Variants in OTUD7B observed in about 807,000 individuals in gnomAD.
The protein encoded by OTUD7B is OTU deubiquitinase 7B, also known as OTU domain-containing protein 7B.
OTUD7B carries 34 observed loss-of-function variants against 82.2 expected under a neutral mutation model. The observed-to-expected ratio is 0.41, with a 90% confidence interval of 0.31 to 0.55. The LOEUF is 0.55. Ranked by LOEUF, OTUD7B falls within the 20% of genes least tolerant of loss-of-function variation. OTUD7B has a pLI of 0.20. For missense variants in OTUD7B, 944 were observed against 1,062.1 expected (o/e 0.89, Z 1.55); for synonymous variants, 398 against 402.7 (o/e 0.99, Z 0.14).
At chr1:150,053,913 A>C in the OTUD7B span, 6 of 449,744 alleles carry the variant, frequency 1.3e-5, no homozygotes, top group African/African-American at 1.2e-4. Context: ...AAGAAACCTG[A>C]AGTCAAGAAG....
At chr1:150,061,447 C>T in the OTUD7B span, among the ~76,000 whole-genome samples, 1 of 152,084 alleles carries the variant, frequency 6.6e-6, no homozygotes, top group Non-Finnish European at 1.5e-5. Flanking sequence ...ATTTATTCTT[C>T]TGTTGACGGA....
At chr1:149,991,204 C>T (rs1168398399) in intron 1 of OTUD7B, among the ~76,000 whole-genome samples, 2 of 151,994 alleles carry the variant, frequency 1.3e-5, no homozygotes, top group Non-Finnish European at 1.5e-5. Flanking sequence ...GTCTCCTAGC[C>T]ACTACTACCC....
intron 1 of OTUD7B, among the ~76,000 whole-genome samples, chr1:150,002,988 C>T (rs924574534): frequency 3.3e-5 from 5 of 152,158 alleles, no homozygotes; most frequent in Non-Finnish European, 7.4e-5. Flanking sequence ...TGGTGGCTCT[C>T]GCCTGTAATC....
chr1:149,976,652 T>A, intron 2 of OTUD7B, among the ~76,000 whole-genome samples: 1 of 148,372 alleles, frequency 6.7e-6, no homozygotes, highest in Non-Finnish European at 1.5e-5. Context: ...TTCAAACTTA[T>A]GTGTATAAAG....
chr1:150,057,016 TGCAGACA>T, the OTUD7B span, among the ~76,000 whole-genome samples: 2 of 152,180 alleles, frequency 1.3e-5, no homozygotes, highest in Non-Finnish European at 2.9e-5. Flanking sequence ...GGAGAAAGCC[TGCAGACA>T]CCAGGTAAAC....
intron 7 of OTUD7B, among the ~76,000 whole-genome samples, chr1:149,953,212 G>A (rs139642183): frequency 0.018 from 2,726 of 152,214 alleles, 67 homozygotes; most frequent in African/African-American, 0.059. Context: ...TCCATCTTGA[G>A]TTAACTTTTT....
intron 1 of OTUD7B, among the ~76,000 whole-genome samples, chr1:150,006,158 A>T (rs1461650567): frequency 2.0e-5 from 3 of 152,230 alleles, no homozygotes; most frequent in African/African-American, 4.8e-5. Flanking sequence ...AATCTAGTTT[A>T]AAAAATAATG....
chr1:149,978,160 G>A (rs1201984479), intron 1 of OTUD7B, among the ~76,000 whole-genome samples: 1 of 151,856 alleles, frequency 6.6e-6, no homozygotes, highest in Non-Finnish European at 1.5e-5. Context: ...TTTCAGAGTT[G>A]ACTAGTGTTT....
the OTUD7B span, among the ~76,000 whole-genome samples, chr1:150,064,520 C>T: frequency 2.4e-5 from 3 of 127,064 alleles, no homozygotes; most frequent in African/African-American, 7.5e-5. Flanking sequence ...CAGATGTACC[C>T]GCTACACCTA....
At position 149,964,987 on chromosome 1, in the gene OTUD7B, G is replaced by A. The variant is rs145480854; in HGVS notation, c.605-638C>T. 1.4e-4 allele frequency among the ~76,000 whole-genome samples: 21 copies of A among 149,484 alleles called. No individual in the cohort carries two copies. The East Asian group carries it at 2.6e-3, about 19-fold the overall frequency. On this transcript the variant is annotated intron_variant, in intron 5 of 11. Coordinates refer to ENST00000581312, the MANE Select transcript of OTUD7B (RefSeq NM_020205.4). ...TCACTCACTGCAACCTCTGGCCCCC[G>A]GATTCAGCAATTCTCCTGCCTCAGC...
rs1339540880 is a variant in OTUD7B, at chr1:149,941,196, T to C, written c.*2661A>G. The C allele has an allele frequency of 2.0e-5, 3 of 152,220 alleles. No individual in the cohort carries two copies. The highest frequency in any genetic ancestry group is 4.8e-5 in the African/African-American group (2 of 41,456). The allele number at this position is 152,220 out of a possible 1,614,324, so 9.4% of individuals were successfully genotyped here. A position where few individuals can be genotyped will look rare whatever the true frequency, so the allele number is the denominator to read the frequency against. ...TGATACAAGGTTTTTTGTTCATTTGTCCTTAGTTTTTAAAAACAAAAGTGT... is the reference window on the plus strand; with the variant it reads ...TGATACAAGGTTTTTTGTTCATTTGCCCTTAGTTTTTAAAAACAAAAGTGT... On this transcript the variant is annotated 3_prime_UTR_variant, in exon 12 of 12. Coordinates refer to ENST00000581312, the MANE Select transcript of OTUD7B (RefSeq NM_020205.4).
At chr1:150,019,482 C>T in the OTUD7B span, among the ~76,000 whole-genome samples, 1 of 152,158 alleles carries the variant, frequency 6.6e-6, no homozygotes, top group Non-Finnish European at 1.5e-5. Flanking sequence ...ATCCTCCTGC[C>T]TCAGCCTCCT....
At chr1:150,051,105 T>C in the OTUD7B span, among the ~76,000 whole-genome samples, 1 of 151,516 alleles carries the variant, frequency 6.6e-6, no homozygotes, top group Non-Finnish European at 1.5e-5. Flanking sequence ...GGCAGGAGCC[T>C]GTAATCCCAG....
At chr1:150,028,152 C>T in the OTUD7B span, among the ~76,000 whole-genome samples, 1 of 152,186 alleles carries the variant, frequency 6.6e-6, no homozygotes, top group African/African-American at 2.4e-5. Flanking sequence ...ACAGGTTTGA[C>T]AAGGCTCTAG....
chr1:150,039,784 AT>A, the OTUD7B span, among the ~76,000 whole-genome samples: 124 of 152,176 alleles, frequency 8.1e-4, no homozygotes, highest in African/African-American at 2.6e-3. Context: ...TATAAATGTA[AT>A]TTTTTTCCTC....
intron 1 of OTUD7B, among the ~76,000 whole-genome samples, chr1:149,981,040 A>G (rs55736955): frequency 0.029 from 4,078 of 139,734 alleles, 275 homozygotes; most frequent in African/African-American, 0.11. Context: ...AAAAAAAAAA[A>G]GCAAACCAAA....
chr1:150,060,140 T>TC, the OTUD7B span, among the ~76,000 whole-genome samples: 1 of 152,218 alleles, frequency 6.6e-6, no homozygotes, highest in South Asian at 2.1e-4. Flanking sequence ...TTTCAATGCC[T>TC]CATCTCACAT....
At chr1:150,012,387 A>G (rs1653117913), upstream of OTUD7B, among the ~76,000 whole-genome samples, 1 of 152,186 alleles carries the variant, frequency 6.6e-6, no homozygotes, top group Non-Finnish European at 1.5e-5. Flanking sequence ...CTACACAAAC[A>G]TTCTGGAATG....
the OTUD7B span, among the ~76,000 whole-genome samples, chr1:150,046,619 T>TG: frequency 2.0e-5 from 3 of 149,762 alleles, no homozygotes; most frequent in Non-Finnish European, 4.5e-5. Flanking sequence ...GGCTAATTTT[T>TG]TTTTTTTTTT....
Sources: gnomAD v4.1 joint callset for allele counts (sites outside exome capture counted in the v4.1 genomes callset) on GRCh38, gnomAD v4.1.1 for gene constraint, MANE v1.5 for transcripts, NCBI Gene and HGNC (gene_info 2026-07-23, HGNC 2026-07-21) for gene names.